Variants in HMCN1 observed in about 807,000 individuals in gnomAD.
HMCN1 encodes hemicentin 1.
Under a neutral mutation model 625.9 loss-of-function variants are expected in HMCN1, and 321 were observed. The ratio of observed to expected loss-of-function variants is 0.51; its 90% CI spans 0.47 to 0.56. HMCN1 has a LOEUF of 0.56. HMCN1 is among the 20% of genes least tolerant of loss of function. HMCN1 has a pLI of 0.00. For synonymous variants in HMCN1, 2,425 were observed against 2,417.6 expected, an observed-to-expected ratio of 1.00 and a Z score of -0.09; for missense variants, 6,588 against 6,887.3, an observed-to-expected ratio of 0.96 and a Z score of 1.54.
intron 81 of HMCN1, among the ~76,000 whole-genome samples, chr1:186,125,179 T>C (rs1378925804): frequency 1.3e-5 from 2 of 152,160 alleles, no homozygotes; most frequent in Non-Finnish European, 2.9e-5. Flanking sequence ...GAGTGTTTTA[T>C]AGTGTTTTAT....
intron 4 of HMCN1, among the ~76,000 whole-genome samples, chr1:185,899,874 A>G (rs887690414): frequency 1.3e-5 from 2 of 152,214 alleles, no homozygotes; most frequent in Middle Eastern, 6.8e-3. Context: ...TTAAATGTTC[A>G]TTGACTTAAT....
At chr1:186,021,894 C>T (rs556884178) in intron 35 of HMCN1, among the ~76,000 whole-genome samples, 53 of 152,112 alleles carry the variant, frequency 3.5e-4, no homozygotes, top group Non-Finnish European at 1.3e-4. Context: ...AGTTAAGAAG[C>T]TATTATAATC....
intron 1 of HMCN1, among the ~76,000 whole-genome samples, chr1:185,774,079 T>G (rs973907479): frequency 1.2e-4 from 19 of 152,280 alleles, no homozygotes; most frequent in African/African-American, 4.6e-4. Flanking sequence ...TGTTCCATAC[T>G]ATAGAATAAT....
chr1:185,962,904 A>G (rs577215881), intron 12 of HMCN1, among the ~76,000 whole-genome samples: 7 of 152,278 alleles, frequency 4.6e-5, no homozygotes, highest in Admixed American at 2.0e-4. Flanking sequence ...TTGAGCTGCA[A>G]ATGTAGCACC....
chr1:185,891,634 T>C (rs1665090394), intron 4 of HMCN1, among the ~76,000 whole-genome samples: 1 of 148,006 alleles, frequency 6.8e-6, no homozygotes, highest in Admixed American at 6.6e-5. Context: ...AGTTGAATAT[T>C]GGCCCCCACT....
chr1:185,859,017 AGATGTGTGTG>A (rs1383059838), intron 2 of HMCN1, among the ~76,000 whole-genome samples: 1 of 120,580 alleles, frequency 8.3e-6, no homozygotes, highest in African/African-American at 3.4e-5. Context: ...AGTGGGTTAA[AGATGTGTGTG>A]TGTGTGTGTG....
chr1:185,937,885 T>A (rs1020837846), intron 11 of HMCN1, among the ~76,000 whole-genome samples: 23 of 102,552 alleles, frequency 2.2e-4, no homozygotes, highest in African/African-American at 1.5e-3. Flanking sequence ...CATCTCAAAA[T>A]AATAATAATA....
At chr1:185,978,268 T>C (rs61110502) in intron 16 of HMCN1, 5,310 of 314,220 alleles carry the variant, frequency 0.017, 274 homozygotes, top group African/African-American at 0.11. Flanking sequence ...ATCTGAGCCT[T>C]TACATAGATA....
At chr1:185,788,265 A>G (rs1267697060) in intron 1 of HMCN1, among the ~76,000 whole-genome samples, 1 of 152,246 alleles carries the variant, frequency 6.6e-6, no homozygotes, top group Non-Finnish European at 1.5e-5. Flanking sequence ...GTGGCATTAT[A>G]AAATTGTCAG....
rs554472564 is a variant in HMCN1, at chr1:185,819,942, G to T, written c.269-26084G>T. On this transcript the variant is annotated intron_variant, in intron 1 of 106. Coordinates refer to ENST00000271588, the MANE Select transcript of HMCN1 (RefSeq NM_031935.3). Reference sequence around the variant, plus strand: ...TTTAACATGACCTGTTAAAGGCATGGCAAGTCACAGGAGAAGAAAAAGAAA... The same window carrying T: ...TTTAACATGACCTGTTAAAGGCATGTCAAGTCACAGGAGAAGAAAAAGAAA... 1.5e-4 allele frequency among the ~76,000 whole-genome samples: 23 copies of T among 152,154 alleles called. 1 individual carries two copies. In the South Asian group the frequency reaches 4.6e-3, roughly 30 times the overall value.
chr1:185,993,087 C>T, intron 22 of HMCN1, 95 bp from the exon 23 acceptor site: 2 of 1,251,368 alleles, frequency 1.6e-6, no homozygotes, highest in Non-Finnish European at 1.2e-6. Context: ...TAAAAAACTA[C>T]TTGCAGAGTA....
chr1:186,108,257 AG>A (rs1660713782), intron 70 of HMCN1, among the ~76,000 whole-genome samples: 1 of 152,138 alleles, frequency 6.6e-6, no homozygotes, highest in South Asian at 2.1e-4. Flanking sequence ...AGTTGTTGGA[AG>A]GATTTCTTTA....
In HMCN1 at chr1:186,117,487, A is replaced by C. The variant is rs1193697185; in HGVS notation, c.11712A>C (p.Thr3904=). The part of the protein sequence containing the change: ...QVPPSIADEP[T]DFLVTKHAPA... ...CACCTTCCATAGCTGATGAGCCTAC[A>C]GATTTCCTAGTAACCAAACATGCCC... The change falls in exon 77 of 107, where the codon ACA becomes ACC. Residue 3904 remains threonine (T), a synonymous_variant. Transcript: ENST00000271588. The C allele has an allele frequency of 6.2e-7, 1 of 1,613,774 alleles. No homozygotes were observed. Among genetic ancestry groups the C allele is most frequent in the East Asian group, 2.2e-5 (1 of 44,874 alleles).
In HMCN1 at chr1:185,999,720, G is replaced by A. The variant is rs540523539; in HGVS notation, c.3875-325G>A. Among the ~76,000 whole-genome samples the A allele has an allele frequency of 4.6e-5, 7 of 152,062 alleles. 1 individual carries two copies. Among genetic ancestry groups the A allele is most frequent in the East Asian group, 3.9e-4 (2 of 5,172 alleles). On this transcript the variant is annotated intron_variant, in intron 25 of 106. Coordinates refer to ENST00000271588, the MANE Select transcript of HMCN1 (RefSeq NM_031935.3). ...CTAAAACTCTCCCCACATCCAGTCCGTAGGATTAATATAGTTCCTGCCCTG... is the reference window on the plus strand; with the variant it reads ...CTAAAACTCTCCCCACATCCAGTCCATAGGATTAATATAGTTCCTGCCCTG...
intron 4 of HMCN1, among the ~76,000 whole-genome samples, chr1:185,905,881 T>C (rs576333654): frequency 6.6e-6 from 1 of 151,884 alleles, no homozygotes; most frequent in South Asian, 2.1e-4. Context: ...ATTAAGGAGA[T>C]GGATTAGATG....
intron 4 of HMCN1, among the ~76,000 whole-genome samples, chr1:185,872,247 C>T (rs6689317): frequency 0.031 from 4,653 of 152,150 alleles, 259 homozygotes; most frequent in African/African-American, 0.11. Flanking sequence ...CAATGGAATG[C>T]TTTCTTTCTC....
intron 11 of HMCN1, among the ~76,000 whole-genome samples, chr1:185,951,078 G>A (rs1317249646): frequency 1.3e-5 from 2 of 151,626 alleles, no homozygotes; most frequent in Non-Finnish European, 2.9e-5. Context: ...AGGTTTTAAT[G>A]AGATGGTAAG....
intron 100 of HMCN1, among the ~76,000 whole-genome samples, chr1:186,169,629 T>A (rs963498047): frequency 6.6e-6 from 1 of 152,160 alleles, no homozygotes; most frequent in Non-Finnish European, 1.5e-5. Flanking sequence ...GCTAGCCATA[T>A]GCAGAAAACT....
At chr1:185,942,160 C>T (rs1172978975) in intron 11 of HMCN1, among the ~76,000 whole-genome samples, 1 of 142,634 alleles carries the variant, frequency 7.0e-6, no homozygotes, top group Non-Finnish European at 1.5e-5. Context: ...CACTGCACTC[C>T]AGCCTGGGCC....
Sources: allele counts gnomAD v4.1 joint callset (sites outside exome capture counted in the v4.1 genomes callset), GRCh38; gene constraint gnomAD v4.1.1; transcripts MANE v1.5; gene names NCBI Gene and HGNC (gene_info 2026-07-23, HGNC 2026-07-21).